The following ANK2 variants were observed in gnomAD, a reference collection of about 807,000 sequenced individuals.
ANK2 encodes the protein ankyrin 2, also known as ankyrin-2.
Under a neutral mutation model 360.5 loss-of-function variants are expected in ANK2, and 83 were observed. That is an observed-to-expected ratio of 0.23 (90% CI 0.19 to 0.28). ANK2 has a LOEUF of 0.28. ANK2 is among the 10% of genes least tolerant of loss of function. The probability of loss-of-function intolerance (pLI) is 1.00; values close to 1 mark genes in which losing one functional copy is unlikely to be tolerated. For synonymous variants in ANK2, 1,740 were observed against 1,759.5 expected (o/e 0.99, Z 0.28); for missense variants, 4,201 against 4,795.7 (o/e 0.88, Z 3.66).
chr4:112,880,214 T>C (rs2150411616), intron 1 of ANK2: 1 of 152,340 alleles, frequency 6.6e-6, no homozygotes, highest in South Asian at 2.1e-4. Context: ...AACACATCTT[T>C]TATGCTTAAA....
At chr4:113,254,985 A>T (rs1184566542) in intron 10 of ANK2, among the ~76,000 whole-genome samples, 1 of 152,258 alleles carries the variant, frequency 6.6e-6, no homozygotes, top group Non-Finnish European at 1.5e-5. Flanking sequence ...GCTTTAAAAA[A>T]AATGAGAGTC....
intron 1 of ANK2, among the ~76,000 whole-genome samples, chr4:112,896,976 A>G (rs900160883): frequency 5.9e-5 from 9 of 152,144 alleles, no homozygotes; most frequent in Non-Finnish European, 1.3e-4. Flanking sequence ...AGGGGACGAT[A>G]ACTCCTCAAT....
At chr4:113,040,092 A>G (rs1414237294) in intron 2 of ANK2, among the ~76,000 whole-genome samples, 2 of 152,038 alleles carry the variant, frequency 1.3e-5, no homozygotes, top group Non-Finnish European at 2.9e-5. Context: ...CATTTACAGG[A>G]AAACCCAATT....
At chr4:113,214,774 T>C (rs1034770927) in intron 4 of ANK2, among the ~76,000 whole-genome samples, 1 of 152,168 alleles carries the variant, frequency 6.6e-6, no homozygotes, top group Admixed American at 6.5e-5. Flanking sequence ...ACTTCAACTA[T>C]ATTTTTTATT....
At chr4:113,074,094 G>C (rs1263668379) in intron 1 of ANK2, among the ~76,000 whole-genome samples, 1 of 152,162 alleles carries the variant, frequency 6.6e-6, no homozygotes, top group Non-Finnish European at 1.5e-5. Flanking sequence ...TTACGTGAAG[G>C]ATTTGCTCTA....
chr4:113,212,817 C>G (rs979100942), intron 4 of ANK2, among the ~76,000 whole-genome samples: 29 of 152,352 alleles, frequency 1.9e-4, no homozygotes, highest in African/African-American at 6.7e-4. Flanking sequence ...TTACCAAATT[C>G]AGCACTAGTG....
intron 7 of ANK2, 89 bp from the exon 8 acceptor site, chr4:113,240,396 T>C (rs2039127164): frequency 2.0e-6 from 2 of 987,964 alleles, no homozygotes; most frequent in Non-Finnish European, 3.3e-6. Flanking sequence ...TTAGGTAGAC[T>C]TTTACCATGT....
At chr4:112,804,300 G>T in the ANK2 span, among the ~76,000 whole-genome samples, 10 of 151,934 alleles carry the variant, frequency 6.6e-5, no homozygotes, top group African/African-American at 2.4e-4. Context: ...GATTACAGGC[G>T]TGAGCCACCG....
At chr4:113,347,887 C>T in intron 35 of ANK2, 1 of 187,866 alleles carries the variant, frequency 5.3e-6, no homozygotes, top group South Asian at 1.1e-4. Context: ...TGAAAATTTT[C>T]CACCATATGC....
rs1270352947 is a variant in ANK2 at position 112,936,414 on chromosome 4, C to T, written c.21+31900C>T. Among the ~76,000 whole-genome samples, 4 of 150,156 alleles carry T rather than the reference C, an allele frequency of 2.7e-5. No individual in the cohort carries two copies. In the East Asian group the frequency reaches 6.0e-4, roughly 23 times the overall value. ...AGGCTGGAGTGTAGTGGCGTGATCT[C>T]AGCTCACTGCAGCCTCCGCCTCCGG... On this transcript the variant is annotated intron_variant, in intron 2 of 30. Coordinates refer to the ANK2 transcript ENST00000503271.
rs774827520 is a variant in ANK2, at chr4:113,354,222, T to G, written c.5604T>G (p.Pro1868=). 5.6e-6 allele frequency: 9 copies of G among 1,613,994 alleles called. No homozygotes were observed. The South Asian group carries it at 9.9e-5, about 18-fold the overall frequency. Residue 1868 remains proline, a synonymous_variant, in exon 38 of 46, where the codon CCT becomes CCG. Coordinates refer to ENST00000357077, the MANE Select transcript of ANK2 (RefSeq NM_001148.6). ...SPSAKTERHS[P]ASSSSKTEKH... is the part of the protein sequence containing the mutation. The stretch of plus-strand genomic sequence containing the variant: ...CTGCAAAAACGGAAAGACATTCACC[T>G]GCGTCATCATCGAGTAAAACTGAGA...
the ANK2 span, among the ~76,000 whole-genome samples, chr4:112,747,293 A>G: frequency 6.6e-6 from 1 of 152,236 alleles, no homozygotes; most frequent in Non-Finnish European, 1.5e-5. Context: ...AGGAACAAAC[A>G]CATTAGCACC....
At chr4:112,810,127 A>ATG in the ANK2 span, among the ~76,000 whole-genome samples, 1 of 89,958 alleles carries the variant, frequency 1.1e-5, no homozygotes, top group Non-Finnish European at 2.3e-5. Flanking sequence ...TTTTTTGTGT[A>ATG]TATATATATA....
rs140420373 is a variant in ANK2, at chr4:112,968,885, T to C, written c.21+64371T>C. On this transcript the variant is annotated intron_variant, in intron 2 of 30. Transcript: ENST00000503271. The stretch of plus-strand genomic sequence containing the variant: ...TATACCATTTTAATTTGGTAATAGA[T>C]CCCTAGAGAAACAAGGTCTTTTTGT... 7.9e-3 allele frequency among the ~76,000 whole-genome samples: 1,209 copies of C among 152,304 alleles called. 8 individuals are homozygous for C. Among genetic ancestry groups the C allele is most frequent in the Non-Finnish European group, 0.011 (782 of 68,024 alleles).
chr4:112,734,961 A>G, the ANK2 span, among the ~76,000 whole-genome samples: 2 of 152,108 alleles, frequency 1.3e-5, no homozygotes, highest in Admixed American at 6.5e-5. Context: ...GTTCCTAATG[A>G]TACATCATAA....
the ANK2 span, among the ~76,000 whole-genome samples, chr4:112,705,743 TGGCGATAGC>T: frequency 1.3e-5 from 2 of 152,228 alleles, no homozygotes; most frequent in African/African-American, 4.8e-5. Context: ...ATGGCTCTCC[TGGCGATAGC>T]GGCAGCGGCT....
chr4:113,367,942 A>T, intron 42 of ANK2, 91 bp downstream of exon 42: 1 of 1,493,028 alleles, frequency 6.7e-7, no homozygotes, highest in Non-Finnish European at 9.2e-7. Flanking sequence ...TAGTTTTTAA[A>T]TACTTTTTAA....
At chr4:113,269,027 T>G (rs900929887) in intron 14 of ANK2, among the ~76,000 whole-genome samples, 1 of 152,220 alleles carries the variant, frequency 6.6e-6, no homozygotes, top group Admixed American at 6.5e-5. Context: ...TCTAGTTTAT[T>G]GGTGTAGAGG....
the ANK2 span, among the ~76,000 whole-genome samples, chr4:112,789,963 G>A: frequency 6.6e-6 from 1 of 152,216 alleles, no homozygotes. Context: ...GTGTTGGTGA[G>A]AATGTGGAGA....
Sources: gnomAD v4.1 joint callset for allele counts (sites outside exome capture counted in the v4.1 genomes callset) on GRCh38, gnomAD v4.1.1 for gene constraint, MANE v1.5 for transcripts, NCBI Gene and HGNC (gene_info 2026-07-23, HGNC 2026-07-21) for gene names.